The following KSR1 variants were observed in gnomAD, a reference collection of about 807,000 sequenced individuals.
KSR1 encodes the protein kinase suppressor of ras.
In KSR1, 35 loss-of-function variants were observed where a neutral mutation model predicts 92.9. The ratio of observed to expected loss-of-function variants is 0.38; its 90% CI spans 0.29 to 0.50. The LOEUF is 0.50. KSR1 is among the 20% of genes least tolerant of loss of function. The pLI is 0.94. For synonymous variants in KSR1, 467 were observed against 472.6 expected (o/e 0.99, Z 0.15); for missense variants, 972 against 1,158.5 (o/e 0.84, Z 2.34).
At chr17:27,491,432 C>T (rs1360832342) in intron 1 of KSR1, among the ~76,000 whole-genome samples, 1 of 151,634 alleles carries the variant, frequency 6.6e-6, no homozygotes, top group Non-Finnish European at 1.5e-5. Context: ...TCAAGTGATC[C>T]TTGTGTCTTG....
rs919966329 is a variant in KSR1 at position 27,608,087 on chromosome 17, C to T, written c.2091+77C>T. 1.9e-5 allele frequency: 20 copies of T among 1,079,020 alleles called. No individual in the cohort carries two copies. In the East Asian group the frequency reaches 4.9e-4, roughly 27 times the overall value. 66.8% of individuals were successfully genotyped at this position (1,079,020 alleles called of 1,614,324 possible). A position where few individuals can be genotyped will look rare whatever the true frequency, so the allele number is the denominator to read the frequency against. ...CTCGGCTGTTCCTCTCGCCCTGTTA[C>T]TCCCTGTTAGGGTGGTTTGGGCAGC... On this transcript the variant is annotated intron_variant, in intron 15 of 20. Coordinates refer to ENST00000644974, the MANE Select transcript of KSR1 (RefSeq NM_001394583.1).
At chr17:27,610,242 A>C (rs780368648) in intron 17 of KSR1, 44 bp downstream of exon 17, 4 of 1,612,114 alleles carry the variant, frequency 2.5e-6, no homozygotes, top group Non-Finnish European at 3.4e-6. Context: ...TGGCCAAAAC[A>C]GAGGGCCCTG....
At chr17:27,560,290 T>C (rs1275433785) in intron 2 of KSR1, 1 of 395,298 alleles carries the variant, frequency 2.5e-6, no homozygotes, top group Non-Finnish European at 5.0e-6. Context: ...TCTTTAGCAA[T>C]TTCCCGGTTG....
In KSR1 at chr17:27,535,569, C is replaced by T. The variant is rs371624981; in HGVS notation, c.232-14999C>T. On this transcript the variant is annotated intron_variant, in intron 1 of 20. Transcript: ENST00000644974. ...CCTTGTTCCACGGGAAGCTTGCAGA[C>T]ACATTAACAGATCAACAATCGTGAT... Among the ~76,000 whole-genome samples the T allele has an allele frequency of 3.2e-4, 48 of 152,308 alleles. 1 individual carries two copies. The South Asian group carries it at 9.5e-3, about 30-fold the overall frequency.
At chr17:27,612,538 G>A (rs1216617171) in intron 18 of KSR1, 2 of 152,192 alleles carry the variant, frequency 1.3e-5, no homozygotes, top group Non-Finnish European at 2.9e-5. Context: ...GGCCCGATTT[G>A]TCAGAGTTTT....
chr17:27,560,355 G>A (rs2071776454), intron 2 of KSR1: 1 of 514,018 alleles, frequency 1.9e-6, no homozygotes, highest in South Asian at 1.4e-5. Context: ...GCTGGGAGAG[G>A]TGGGTGCTGC....
In KSR1 at chr17:27,603,729, CAG is replaced by C. The variant is rs375783833; in HGVS notation, c.1511-104_1511-103del. Reference sequence around the variant, plus strand: ...TCTGGGGAACATGTGGCAGTCCACTCAGGGGAAAATCAGCCTCTCTGGGGGTG... The same window carrying C: ...TCTGGGGAACATGTGGCAGTCCACTCGGGAAAATCAGCCTCTCTGGGGGTG... On this transcript the variant is annotated intron_variant, in intron 11 of 20. Coordinates refer to ENST00000644974, the MANE Select transcript of KSR1 (RefSeq NM_001394583.1). 260 of 1,132,164 alleles carry C rather than the reference CAG, an allele frequency of 2.3e-4. 1 individual carries two copies. In the East Asian group the frequency reaches 4.8e-3, roughly 21 times the overall value. The allele number at this position is 1,132,164 out of a possible 1,614,324, so 70.1% of individuals were successfully genotyped here.
At chr17:27,518,988 A>G (rs2069912285) in intron 1 of KSR1, among the ~76,000 whole-genome samples, 1 of 152,170 alleles carries the variant, frequency 6.6e-6, no homozygotes, top group South Asian at 2.1e-4. Context: ...TGATGTGTCT[A>G]GGGTCACATT....
At chr17:27,566,454 G>A in intron 2 of KSR1, 1 of 399,184 alleles carries the variant, frequency 2.5e-6, no homozygotes, top group Middle Eastern at 6.3e-4. Context: ...AGGCCCCCTT[G>A]TCATGAATCG....
chr17:27,552,458 T>TG (rs2071428939), intron 2 of KSR1, among the ~76,000 whole-genome samples: 1 of 152,222 alleles, frequency 6.6e-6, no homozygotes. Context: ...AAGTGGGTGG[T>TG]GACACAGGTT....
rs1346950816 is a variant in KSR1, at chr17:27,623,682, C to CA, written c.*291dup. Reference sequence around the variant, plus strand: ...GTTTTACAATAGGTAATAATAAAAACAGTCTGTGCAGATGCACTGGCACTG... The same window carrying CA: ...GTTTTACAATAGGTAATAATAAAAACAAGTCTGTGCAGATGCACTGGCACTG... On this transcript the variant is annotated 3_prime_UTR_variant, in exon 21 of 21. Coordinates refer to ENST00000644974, the MANE Select transcript of KSR1 (RefSeq NM_001394583.1). The CA allele has an allele frequency of 1.7e-6, 1 of 597,602 alleles. No homozygotes were observed. Among genetic ancestry groups the CA allele is most frequent in the African/African-American group, 1.9e-5 (1 of 53,588 alleles). 37.0% of individuals were successfully genotyped at this position (597,602 alleles called of 1,614,324 possible). A position where few individuals can be genotyped will look rare whatever the true frequency, so the allele number is the denominator to read the frequency against.
At chr17:27,504,736 C>A (rs185266137) in intron 1 of KSR1, among the ~76,000 whole-genome samples, 1 of 152,320 alleles carries the variant, frequency 6.6e-6, no homozygotes, top group Non-Finnish European at 1.5e-5. Context: ...ACCTGAGTAG[C>A]ACGTGCCCTT....
chr17:27,512,930 G>A (rs1486237529), intron 1 of KSR1, among the ~76,000 whole-genome samples: 3 of 152,056 alleles, frequency 2.0e-5, no homozygotes, highest in Admixed American at 6.6e-5. Flanking sequence ...CCCTGCCAGC[G>A]CCCCCGGAGG....
chr17:27,498,550 G>A (rs2150975540), intron 1 of KSR1, among the ~76,000 whole-genome samples: 2 of 152,240 alleles, frequency 1.3e-5, no homozygotes, highest in East Asian at 3.9e-4. Context: ...CATTGCTTGG[G>A]GAAGCTTATA....
intron 18 of KSR1, chr17:27,612,665 T>C (rs932934592): frequency 5.3e-5 from 8 of 152,376 alleles, no homozygotes; most frequent in African/African-American, 1.9e-4. Flanking sequence ...GTGATAGCCA[T>C]GTGTCCATGA....
Position 27,582,675 on chromosome 17 carries a change from A to C in KSR1, c.550A>C (p.Ser184Arg), listed in dbSNP as rs199519107. The change falls in exon 4 of 21, where the codon AGT (serine) becomes CGT (arginine). Residue 184 changes from serine to arginine, a missense_variant. Transcript: ENST00000644974. ...GGEHKEDSSWSSLDARRESGS... is the reference protein window; with the variant it reads ...GGEHKEDSSWRSLDARRESGS... The stretch of plus-strand genomic sequence containing the variant: ...GGAGCACAAGGAGGACTCCAGTTGG[A>C]GTTCATTGGATGCGCGGCGGGAAAG... The C allele has an allele frequency of 7.4e-4, 1,199 of 1,612,294 alleles. 5 individuals are homozygous for C. Among genetic ancestry groups the C allele is most frequent in the Non-Finnish European group, 9.3e-4 (1,091 of 1,178,912 alleles).
intron 18 of KSR1, among the ~76,000 whole-genome samples, chr17:27,611,983 A>G (rs1486346206): frequency 2.0e-5 from 3 of 152,232 alleles, no homozygotes; most frequent in Admixed American, 6.5e-5. Flanking sequence ...TCACTGCTGA[A>G]AATACAAATA....
intron 1 of KSR1, among the ~76,000 whole-genome samples, chr17:27,475,477 C>G (rs915462821): frequency 6.6e-6 from 1 of 152,136 alleles, no homozygotes; most frequent in African/African-American, 2.4e-5. Context: ...AGCGCTGGCC[C>G]GGGGCAGGCT....
In KSR1 at chr17:27,625,922, C is replaced by T. The variant is rs1022936404; in HGVS notation, c.*2530C>T. On this transcript the variant is annotated 3_prime_UTR_variant, in exon 21 of 21. Transcript: ENST00000644974. Reference sequence around the variant, plus strand: ...ACCAGAGCCGCAGCCCCCTGGGTTTCTGTCTAACTCGAAGTCTTGAATCCT... The same window carrying T: ...ACCAGAGCCGCAGCCCCCTGGGTTTTTGTCTAACTCGAAGTCTTGAATCCT... 1 of 152,260 alleles carries T rather than the reference C, an allele frequency of 6.6e-6. No individual in the cohort carries two copies. The highest frequency in any genetic ancestry group is 1.5e-5 in the Non-Finnish European group (1 of 68,072). 9.4% of individuals were successfully genotyped at this position (152,260 alleles called of 1,614,324 possible).
Sources: gnomAD v4.1 joint callset for allele counts (sites outside exome capture counted in the v4.1 genomes callset) on GRCh38, gnomAD v4.1.1 for gene constraint, MANE v1.5 for transcripts, NCBI Gene and HGNC (gene_info 2026-07-23, HGNC 2026-07-21) for gene names.